Variants in OSBPL8 observed in about 807,000 individuals in gnomAD.
OSBPL8 encodes oxysterol-binding protein-related protein 8.
A neutral mutation model predicts 125.5 loss-of-function variants in OSBPL8; 59 were observed. The observed-to-expected ratio is 0.47, with a 90% CI of 0.38 to 0.58. The LOEUF (loss-of-function observed/expected upper bound fraction) is 0.58. OSBPL8 is among the 20% of genes least tolerant of loss of function. The probability of loss-of-function intolerance (pLI) is 0.00; values close to 1 mark genes in which losing one functional copy is unlikely to be tolerated. For synonymous variants in OSBPL8, 330 were observed against 338.9 expected, an observed-to-expected ratio of 0.97 and a Z score of 0.29; for missense variants, 758 against 1,047.8, an observed-to-expected ratio of 0.72 and a Z score of 3.82.
chr12:76,552,461 G>A (rs893195092), intron 1 of OSBPL8, among the ~76,000 whole-genome samples: 4 of 141,252 alleles, frequency 2.8e-5, no homozygotes, highest in Non-Finnish European at 6.1e-5. Flanking sequence ...AAAAAATGTT[G>A]CAAGCAAGAG....
intron 1 of OSBPL8, among the ~76,000 whole-genome samples, chr12:76,541,226 C>G (rs1950635206): frequency 1.3e-5 from 2 of 152,096 alleles, no homozygotes; most frequent in Non-Finnish European, 2.9e-5. Context: ...TGTCTGTAAT[C>G]CCAGCACTTT....
chr12:76,402,006 TA>T (rs1016783202), intron 6 of OSBPL8, among the ~76,000 whole-genome samples: 3 of 152,198 alleles, frequency 2.0e-5, no homozygotes, highest in Non-Finnish European at 2.9e-5. Context: ...CATTTAATGA[TA>T]AACAGACTAG....
chr12:76,378,363 C>T, intron 16 of OSBPL8, 89 bp downstream of exon 16: 1 of 870,908 alleles, frequency 1.1e-6, no homozygotes. Flanking sequence ...AGTCTGACTC[C>T]ATCAATCACA....
intron 2 of OSBPL8, among the ~76,000 whole-genome samples, chr12:76,460,157 T>C (rs557124052): frequency 6.6e-6 from 1 of 152,282 alleles, no homozygotes; most frequent in Admixed American, 6.5e-5. Flanking sequence ...AAGAGAAAAA[T>C]GGATCACCTA....
chr12:76,420,795 C>A (rs1869380399), intron 4 of OSBPL8, among the ~76,000 whole-genome samples: 1 of 151,966 alleles, frequency 6.6e-6, no homozygotes, highest in Non-Finnish European at 1.5e-5. Flanking sequence ...AAAGCCACTT[C>A]TTTGAAGTAC....
intron 4 of OSBPL8, among the ~76,000 whole-genome samples, chr12:76,420,851 G>C (rs1197738189): frequency 6.6e-6 from 1 of 151,932 alleles, no homozygotes; most frequent in African/African-American, 2.4e-5. Context: ...ATATTTTATA[G>C]AGCTTTTTAT....
At chr12:76,464,377 TTGTTA>T (rs895492214) in intron 2 of OSBPL8, among the ~76,000 whole-genome samples, 4 of 152,228 alleles carry the variant, frequency 2.6e-5, no homozygotes, top group African/African-American at 4.8e-5. Context: ...TTATCTAATT[TTGTTA>T]TAAGTACATC....
chr12:76,430,339 C>T (rs11113104), intron 4 of OSBPL8, among the ~76,000 whole-genome samples: 323 of 152,256 alleles, frequency 2.1e-3, no homozygotes, highest in Non-Finnish European at 3.2e-3. Flanking sequence ...AGAACCAGCT[C>T]CACTCCCACT....
intron 2 of OSBPL8, among the ~76,000 whole-genome samples, chr12:76,462,779 G>A (rs1216318563): frequency 6.6e-6 from 1 of 152,188 alleles, no homozygotes; most frequent in East Asian, 1.9e-4. Flanking sequence ...ATAAGATGAA[G>A]GAACCTGGCA....
intron 1 of OSBPL8, among the ~76,000 whole-genome samples, chr12:76,489,719 C>G (rs1471952481): frequency 6.6e-6 from 1 of 152,226 alleles, no homozygotes; most frequent in African/African-American, 2.4e-5. Flanking sequence ...GTTTTCATCT[C>G]TAACGCAACA....
chr12:76,554,748 T>G (rs1015189083), intron 1 of OSBPL8, among the ~76,000 whole-genome samples: 1 of 152,224 alleles, frequency 6.6e-6, no homozygotes, highest in African/African-American at 2.4e-5. Context: ...TCCTTTTTAT[T>G]TGAAAAAAGT....
At chr12:76,467,884 C>T (rs1875657002) in intron 2 of OSBPL8, among the ~76,000 whole-genome samples, 2 of 152,196 alleles carry the variant, frequency 1.3e-5, no homozygotes, top group Admixed American at 6.5e-5. Flanking sequence ...TTATTCAACA[C>T]TAAGATAAGT....
chr12:76,507,358 C>T (rs1361810968), intron 1 of OSBPL8, among the ~76,000 whole-genome samples: 4 of 151,690 alleles, frequency 2.6e-5, no homozygotes, highest in Non-Finnish European at 5.9e-5. Context: ...TCATAATAAC[C>T]TTAAAATAAT....
chr12:76,532,776 G>A (rs531599295), intron 1 of OSBPL8, among the ~76,000 whole-genome samples: 2 of 151,086 alleles, frequency 1.3e-5, no homozygotes, highest in African/African-American at 4.8e-5. Flanking sequence ...TGATAAATGT[G>A]AATCACAAGC....
At chr12:76,410,677 A>C in intron 4 of OSBPL8, 43 bp from the exon 5 acceptor site, 1 of 1,305,842 alleles carries the variant, frequency 7.7e-7, no homozygotes, top group Non-Finnish European at 1.1e-6. Flanking sequence ...ACTTTTGAAC[A>C]TGTATAATAA....
At chr12:76,477,090 C>T (rs1025638322) in intron 2 of OSBPL8, among the ~76,000 whole-genome samples, 1 of 152,142 alleles carries the variant, frequency 6.6e-6, no homozygotes, top group Non-Finnish European at 1.5e-5. Flanking sequence ...TTCTTCTACT[C>T]TCCCACCCCC....
intron 5 of OSBPL8, 64 bp from the exon 6 acceptor site, chr12:76,402,830 T>A: frequency 9.5e-7 from 1 of 1,057,096 alleles, no homozygotes; most frequent in South Asian, 1.4e-5. Flanking sequence ...GCATAAAAAT[T>A]AATGTTAAAA....
chr12:76,558,722 G>A (rs1327060123), intron 1 of OSBPL8, among the ~76,000 whole-genome samples: 2 of 152,200 alleles, frequency 1.3e-5, no homozygotes, highest in African/African-American at 4.8e-5. Flanking sequence ...TGGAAAATCT[G>A]CATATACTGT....
rs1217687112 is a variant in OSBPL8 at position 76,352,308 on chromosome 12, G to A, written c.*3581C>T. 6.6e-6 allele frequency: 1 copy of A among 152,244 alleles called. No homozygotes were observed. The highest frequency in any genetic ancestry group is 1.5e-5 in the Non-Finnish European group (1 of 67,974). The allele number at this position is 152,244 out of a possible 1,614,324, so 9.4% of individuals were successfully genotyped here. ...ACATTCATTTTGTCATGGGTTTCAC[G>A]TGGCTCTTCTAAATATATTAATCAT... On this transcript the variant is annotated 3_prime_UTR_variant, in exon 24 of 24. Coordinates refer to ENST00000261183, the MANE Select transcript of OSBPL8 (RefSeq NM_020841.5).
Sources: allele counts gnomAD v4.1 joint callset (sites outside exome capture counted in the v4.1 genomes callset), GRCh38; gene constraint gnomAD v4.1.1; transcripts MANE v1.5; gene names NCBI Gene and HGNC (gene_info 2026-07-23, HGNC 2026-07-21).